Variants in PREP observed in about 807,000 individuals in gnomAD.
The protein encoded by PREP is dJ355L5.1 (prolyl endopeptidase).
PREP carries 29 observed loss-of-function variants against 87.6 expected under a neutral mutation model. The observed-to-expected ratio is 0.33, with a 90% CI of 0.25 to 0.45. The LOEUF (loss-of-function observed/expected upper bound fraction) is 0.45, where lower values mean the gene tolerates loss of function less well. Ranked by LOEUF, PREP falls within the 20% of genes least tolerant of loss-of-function variation. The pLI is 1.00. For synonymous variants in PREP, 337 were observed against 328.6 expected, an observed-to-expected ratio of 1.03 and a Z score of -0.28; for missense variants, 695 against 886.5, an observed-to-expected ratio of 0.78 and a Z score of 2.74.
intron 6 of PREP, among the ~76,000 whole-genome samples, chr6:105,365,050 C>A (rs1358029555): frequency 6.6e-6 from 1 of 152,150 alleles, no homozygotes; most frequent in East Asian, 1.9e-4. Context: ...AGTTTGAGAC[C>A]ACCCTGGCCA....
intron 2 of PREP, 148 bp downstream of exon 2, chr6:105,397,705 C>T: frequency 3.4e-6 from 2 of 588,300 alleles, no homozygotes; most frequent in Non-Finnish European, 3.0e-6. Context: ...AATTATTTGA[C>T]AAAAAGTAGT....
At chr6:105,357,413 T>C (rs917457498) in intron 6 of PREP, among the ~76,000 whole-genome samples, 2 of 152,226 alleles carry the variant, frequency 1.3e-5, no homozygotes, top group Admixed American at 6.5e-5. Flanking sequence ...CTGTGCTAAA[T>C]AGCTGTAGCA....
intron 8 of PREP, among the ~76,000 whole-genome samples, chr6:105,332,838 C>T (rs963676892): frequency 3.9e-5 from 6 of 152,148 alleles, no homozygotes; most frequent in African/African-American, 1.4e-4. Context: ...GCAGCAACTG[C>T]GAAGGGTTTC....
rs78554188 is a variant in PREP at position 105,352,083 on chromosome 6, T to C, written c.823+889A>G. 6.6e-3 allele frequency among the ~76,000 whole-genome samples: 1,007 copies of C among 152,310 alleles called. 17 individuals carry two copies. The highest frequency in any genetic ancestry group is 0.039 in the South Asian group (190 of 4,820). ...CACAGATTAGAAACTAATAATGAGG[T>C]AAATACATTATTACAGAAATGCACT... is the stretch of plus-strand genomic sequence containing the variant. On this transcript the variant is annotated intron_variant, in intron 7 of 14. Transcript: ENST00000652536.
At chr6:105,328,437 C>T (rs12210271) in intron 9 of PREP, among the ~76,000 whole-genome samples, 55,569 of 151,806 alleles carry the variant, frequency 0.37, 14,332 homozygotes, top group African/African-American at 0.74. Context: ...TTTGTATTTT[C>T]AGTAGAGACG....
At position 105,402,868 on chromosome 6, in the gene PREP, G is replaced by C; in HGVS notation, c.24C>G (p.Asp8Glu). 1.3e-6 allele frequency: 2 copies of C among 1,544,670 alleles called. No individual in the cohort carries two copies. The highest frequency in any genetic ancestry group is 1.7e-6 in the Non-Finnish European group (2 of 1,143,516). ...TTACGGCGGTCTCGTCGCGGTACAC[G>C]TCGGGGTACTGAAGGGACAGCATGG... MLSLQYPDVYRDETAVQD... is the reference protein window; with the variant it reads MLSLQYPEVYRDETAVQD... Residue 8 changes from aspartate (D) to glutamate (E), a missense_variant, in exon 1 of 15, where the codon GAC becomes GAG. Physicochemically the swap from Asp to Glu is conservative, Grantham distance 45 (BLOSUM62 2). Coordinates refer to ENST00000652536, the MANE Select transcript of PREP (RefSeq NM_002726.5).
intron 7 of PREP, among the ~76,000 whole-genome samples, chr6:105,339,985 A>T (rs923403978): frequency 6.6e-6 from 1 of 152,226 alleles, no homozygotes; most frequent in Non-Finnish European, 1.5e-5. Flanking sequence ...ATTATCCAGG[A>T]GAACGCCCCC....
intron 6 of PREP, among the ~76,000 whole-genome samples, chr6:105,355,097 T>G (rs1353551048): frequency 6.6e-6 from 1 of 150,840 alleles, no homozygotes; most frequent in Non-Finnish European, 1.5e-5. Flanking sequence ...TTGTAGTTTT[T>G]TTTTTTTTTT....
At chr6:105,306,494 C>A (rs943581913) in intron 10 of PREP, among the ~76,000 whole-genome samples, 1 of 152,172 alleles carries the variant, frequency 6.6e-6, no homozygotes, top group Non-Finnish European at 1.5e-5. Flanking sequence ...TCCACTGCTA[C>A]CTGACATTGA....
chr6:105,364,492 C>A (rs985943279), intron 6 of PREP, among the ~76,000 whole-genome samples: 1 of 152,088 alleles, frequency 6.6e-6, no homozygotes, highest in Non-Finnish European at 1.5e-5. Context: ...CTGCGGCAGC[C>A]GAAGGGGAGG....
At chr6:105,342,214 G>A (rs1771675407) in intron 7 of PREP, among the ~76,000 whole-genome samples, 1 of 152,192 alleles carries the variant, frequency 6.6e-6, no homozygotes, top group Non-Finnish European at 1.5e-5. Context: ...TCCCTGGGAT[G>A]CAAGGCTGGT....
intron 6 of PREP, among the ~76,000 whole-genome samples, chr6:105,365,648 A>C (rs573924900): frequency 1.4e-3 from 215 of 152,212 alleles, no homozygotes; most frequent in Non-Finnish European, 2.0e-3. Context: ...AGGAAGGAGC[A>C]CTTACCTAGC....
At position 105,370,394 on chromosome 6, in the gene PREP, C is replaced by T. The variant is rs188279467; in HGVS notation, c.596-1370G>A. On this transcript the variant is annotated intron_variant, in intron 5 of 14. Coordinates refer to ENST00000652536, the MANE Select transcript of PREP (RefSeq NM_002726.5). ...CCCTGATAGCACCAAATGCTGTCCA[C>T]GTTGTGGAACAAGAGGAACTCTCAT... Among the ~76,000 whole-genome samples the T allele has an allele frequency of 4.6e-5, 7 of 151,912 alleles. No homozygotes were observed. In the East Asian group the frequency reaches 7.7e-4, roughly 17 times the overall value.
chr6:105,374,632 TTATATATATATATATATATATATA>T (rs61452752), intron 4 of PREP, among the ~76,000 whole-genome samples: 2,629 of 91,554 alleles, frequency 0.029, 86 homozygotes, highest in East Asian at 0.073. Flanking sequence ...TTTGAATTGT[TTATATATATATATATATATATATA>T]TATATATATA....
intron 2 of PREP, among the ~76,000 whole-genome samples, chr6:105,380,930 T>G (rs553085133): frequency 6.6e-6 from 1 of 152,336 alleles, no homozygotes; most frequent in Admixed American, 6.5e-5. Flanking sequence ...TCCAGCTGTT[T>G]CTCTATTTTG....
intron 2 of PREP, among the ~76,000 whole-genome samples, chr6:105,393,355 G>C (rs1773206565): frequency 6.6e-6 from 1 of 152,042 alleles, no homozygotes. Context: ...AACAAAACCA[G>C]AGCAGACTTG....
intron 10 of PREP, among the ~76,000 whole-genome samples, chr6:105,299,826 G>A (rs915073899): frequency 6.6e-6 from 1 of 151,936 alleles, no homozygotes; most frequent in East Asian, 1.9e-4. Flanking sequence ...CCAAGACAAT[G>A]ACCACCTATC....
chr6:105,384,997 G>A (rs949153952), intron 2 of PREP, among the ~76,000 whole-genome samples: 1 of 152,122 alleles, frequency 6.6e-6, no homozygotes, highest in African/African-American at 2.4e-5. Flanking sequence ...TGGGATTCAG[G>A]TACCAGTAAT....
rs139812162 is a variant in PREP, at chr6:105,282,142, T to C, written c.1682-240A>G. 1.2e-4 allele frequency among the ~76,000 whole-genome samples: 19 copies of C among 152,290 alleles called. No homozygotes were observed. The East Asian group carries it at 3.5e-3, about 28-fold the overall frequency. ...GGAGCTTTACTCCCCAAAGTGAATC[T>C]TGAAAAGCTTGAGGACTTTCTGGAA... On this transcript the variant is annotated intron_variant, in intron 13 of 14. Transcript: ENST00000652536.
Sources: allele counts gnomAD v4.1 joint callset (sites outside exome capture counted in the v4.1 genomes callset), GRCh38; gene constraint gnomAD v4.1.1; transcripts MANE v1.5; gene names NCBI Gene and HGNC (gene_info 2026-07-23, HGNC 2026-07-21).